SV2C: variants seen among roughly 807,000 people sequenced by gnomAD.
SV2C encodes synaptic vesicle glycoprotein 2C.
Under a neutral mutation model 79.7 loss-of-function variants are expected in SV2C, and 49 were observed. The ratio of observed to expected loss-of-function variants is 0.61; its 90% CI spans 0.49 to 0.78. The LOEUF (loss-of-function observed/expected upper bound fraction) is 0.78, where lower values mean the gene tolerates loss of function less well. Ranked by LOEUF, SV2C falls within the 30% of genes least tolerant of loss-of-function variation. The pLI, the probability that SV2C is intolerant of heterozygous loss-of-function variation, is 0.00. For synonymous variants in SV2C, 334 were observed against 333.2 expected, an observed-to-expected ratio of 1.00 and a Z score of -0.03; for missense variants, 833 against 912.9, an observed-to-expected ratio of 0.91 and a Z score of 1.13.
At chr5:76,353,059 G>A in intron 12 of SV2C, 1 of 448,982 alleles carries the variant, frequency 2.2e-6, no homozygotes. Context: ...TCTTGCCTCT[G>A]CCACCCCAGA....
At chr5:75,944,935 G>T in the SV2C span, among the ~76,000 whole-genome samples, 1 of 152,016 alleles carries the variant, frequency 6.6e-6, no homozygotes, top group South Asian at 2.1e-4. Flanking sequence ...GGAAAAAGGG[G>T]TCCCTGTTGC....
chr5:76,143,436 G>A (rs1173248243), intron 2 of SV2C, among the ~76,000 whole-genome samples: 1 of 152,110 alleles, frequency 6.6e-6, no homozygotes, highest in Non-Finnish European at 1.5e-5. Context: ...CTAGTAACAG[G>A]GACAGGTCTG....
At chr5:75,930,834 T>C in the SV2C span, among the ~76,000 whole-genome samples, 1 of 152,178 alleles carries the variant, frequency 6.6e-6, no homozygotes, top group African/African-American at 2.4e-5. Flanking sequence ...GTTTCTTTGG[T>C]GAAGAGTAAT....
the SV2C span, among the ~76,000 whole-genome samples, chr5:75,878,985 T>C: frequency 1.3e-4 from 20 of 152,114 alleles, no homozygotes; most frequent in African/African-American, 4.6e-4. Context: ...GCATCTCACA[T>C]GGTGAGAATG....
the SV2C span, among the ~76,000 whole-genome samples, chr5:76,056,504 C>G: frequency 6.6e-6 from 1 of 151,900 alleles, no homozygotes; most frequent in South Asian, 2.1e-4. Context: ...ATGCTGGCCT[C>G]ATAAATGAGT....
chr5:76,285,571 T>C (rs1747327651), intron 5 of SV2C: 1 of 610,454 alleles, frequency 1.6e-6, no homozygotes, highest in South Asian at 2.2e-5. Flanking sequence ...TTTTACCATC[T>C]GGAGATACTA....
chr5:75,953,702 T>G, the SV2C span, among the ~76,000 whole-genome samples: 422 of 152,114 alleles, frequency 2.8e-3, 2 homozygotes, highest in African/African-American at 9.9e-3. Context: ...CTCAGCTCCC[T>G]TGTTCCTTAA....
chr5:75,890,087 T>G, the SV2C span, among the ~76,000 whole-genome samples: 1 of 152,140 alleles, frequency 6.6e-6, no homozygotes, highest in Non-Finnish European at 1.5e-5. Context: ...CTTAAACATC[T>G]GGCTTCCTGT....
the SV2C span, among the ~76,000 whole-genome samples, chr5:76,034,380 T>G: frequency 6.6e-6 from 1 of 152,218 alleles, no homozygotes; most frequent in African/African-American, 2.4e-5. Context: ...ATATTGGCTG[T>G]GGGTTTGTCA....
chr5:76,145,044 A>G (rs1385242929), intron 2 of SV2C, among the ~76,000 whole-genome samples: 1 of 152,158 alleles, frequency 6.6e-6, no homozygotes, highest in Admixed American at 6.5e-5. Flanking sequence ...GCCACCAGGG[A>G]TTTTGTGGGG....
chr5:76,040,199 G>T, the SV2C span, among the ~76,000 whole-genome samples: 1 of 152,120 alleles, frequency 6.6e-6, no homozygotes, highest in Non-Finnish European at 1.5e-5. Context: ...TATCAACTAA[G>T]GAACACAGAA....
At chr5:76,294,095 G>A (rs1269634664) in intron 8 of SV2C, among the ~76,000 whole-genome samples, 1 of 152,092 alleles carries the variant, frequency 6.6e-6, no homozygotes, top group African/African-American at 2.4e-5. Context: ...CTGGAACCTG[G>A]GTTTGTGGGG....
At chr5:76,055,254 G>T in the SV2C span, among the ~76,000 whole-genome samples, 1 of 152,118 alleles carries the variant, frequency 6.6e-6, no homozygotes, top group African/African-American at 2.4e-5. Flanking sequence ...ATTAAATAGG[G>T]AATCCTTTCC....
the SV2C span, among the ~76,000 whole-genome samples, chr5:75,953,862 A>G: frequency 4.6e-5 from 7 of 151,870 alleles, no homozygotes; most frequent in Admixed American, 2.0e-4. Context: ...TCTTTTTTGT[A>G]TCACTTCCTA....
chr5:76,267,106 AAC>A (rs1358523118), intron 4 of SV2C, among the ~76,000 whole-genome samples: 1 of 152,238 alleles, frequency 6.6e-6, no homozygotes, highest in Non-Finnish European at 1.5e-5. Context: ...GACATTCCTG[AAC>A]ACACGACATG....
At chr5:76,275,270 G>A (rs972788918) in intron 4 of SV2C, among the ~76,000 whole-genome samples, 11 of 152,182 alleles carry the variant, frequency 7.2e-5, no homozygotes, top group African/African-American at 2.2e-4. Flanking sequence ...GGCAGATCAC[G>A]AGGTCAAGAG....
intron 12 of SV2C, among the ~76,000 whole-genome samples, chr5:76,314,163 A>T (rs868853646): frequency 1.3e-5 from 2 of 152,332 alleles, no homozygotes; most frequent in Middle Eastern, 6.8e-3. Flanking sequence ...TAGGTGAATG[A>T]ATGAATGAAT....
chr5:76,154,394 G>A (rs1742659222), intron 2 of SV2C, among the ~76,000 whole-genome samples: 1 of 152,198 alleles, frequency 6.6e-6, no homozygotes, highest in Non-Finnish European at 1.5e-5. Flanking sequence ...GGGTCACTGA[G>A]AGCCACAGAT....
At chr5:76,336,184 C>G (rs1260483184), downstream of SV2C, among the ~76,000 whole-genome samples, 1 of 151,426 alleles carries the variant, frequency 6.6e-6, no homozygotes, top group Non-Finnish European at 1.5e-5. Context: ...GGGTGGCTGC[C>G]GGGCAGAGAC....
Sources: allele counts gnomAD v4.1 joint callset (sites outside exome capture counted in the v4.1 genomes callset), GRCh38; gene constraint gnomAD v4.1.1; transcripts MANE v1.5; gene names NCBI Gene and HGNC (gene_info 2026-07-23, HGNC 2026-07-21).